The following PCDHGB5 variants were observed in gnomAD, a reference collection of about 807,000 sequenced individuals.
PCDHGB5 encodes protocadherin gamma-B5.
Under a neutral mutation model 62.9 loss-of-function variants are expected in PCDHGB5, and 48 were observed. The ratio of observed to expected loss-of-function variants is 0.76; its 90% CI spans 0.61 to 0.97. The LOEUF (loss-of-function observed/expected upper bound fraction) is 0.97. Among genes scored for constraint, PCDHGB5 ranks in the 50% least tolerant of loss-of-function variants. The probability of loss-of-function intolerance (pLI) is 0.00; values close to 1 mark genes in which losing one functional copy is unlikely to be tolerated. For missense variants in PCDHGB5, 1,118 were observed against 1,198.6 expected (o/e 0.93, Z 0.99); for synonymous variants, 474 against 511.2 (o/e 0.93, Z 0.98).
intron 1 of PCDHGB5, chr5:141,410,721 A>G (rs2154543206): frequency 1.5e-5 from 21 of 1,395,496 alleles, no homozygotes; most frequent in Non-Finnish European, 2.0e-5. Context: ...ATATGTTTAA[A>G]ATCCATAGCT....
At chr5:141,418,343 A>G in intron 1 of PCDHGB5, 1 of 1,614,010 alleles carries the variant, frequency 6.2e-7, no homozygotes, top group Non-Finnish European at 8.5e-7. Flanking sequence ...AGATCCTGAT[A>G]TTAGTATGAA....
chr5:141,414,318 G>A (rs1212643655), intron 1 of PCDHGB5: 1 of 1,613,772 alleles, frequency 6.2e-7, no homozygotes, highest in Non-Finnish European at 8.5e-7. Context: ...TAGACTCTGA[G>A]CAGAATGGAC....
At chr5:141,506,955 C>G (rs1387377785) in intron 3 of PCDHGB5, 1 of 152,244 alleles carries the variant, frequency 6.6e-6, no homozygotes, top group Non-Finnish European at 1.5e-5. Context: ...AATGAATCCT[C>G]TCAATAGCTC....
chr5:141,427,377 A>C, intron 1 of PCDHGB5: 1 of 458,500 alleles, frequency 2.2e-6, no homozygotes, highest in Non-Finnish European at 4.4e-6. Flanking sequence ...GACGGTGATC[A>C]CTCTGTTCAA....
At chr5:141,412,932 T>C (rs2095590399) in intron 1 of PCDHGB5, 3 of 453,328 alleles carry the variant, frequency 6.6e-6, no homozygotes, top group South Asian at 1.0e-4. Flanking sequence ...AGTAACTTCT[T>C]AGGACTCTGA....
In PCDHGB5 at chr5:141,398,508, T is replaced by C; in HGVS notation, c.381T>C (p.Asn127=). 6.2e-7 allele frequency: 1 copy of C among 1,601,476 alleles called. No homozygotes were observed. The highest frequency in any genetic ancestry group is 1.7e-5 in the Admixed American group (1 of 58,922). The change falls in exon 1 of 4, where the codon AAT becomes AAC. Residue 127 remains asparagine, a synonymous_variant. Coordinates refer to ENST00000617380, the MANE Select transcript of PCDHGB5 (RefSeq NM_018925.3). ...YHVNVEIEDI[N]DHTPKFTQNS... is the part of the protein sequence containing the mutation. ...TGAATGTGGAGATCGAGGACATTAA[T>C]GACCACACGCCAAAATTCACGCAAA...
Position 141,399,287 on chromosome 5 carries a change from C to A in PCDHGB5, c.1160C>A (p.Pro387His). 1 of 1,613,912 alleles carries A rather than the reference C, an allele frequency of 6.2e-7. No homozygotes were observed. The highest frequency in any genetic ancestry group is 8.5e-7 in the Non-Finnish European group (1 of 1,179,850). The stretch of plus-strand genomic sequence containing the variant: ...AATTGTCAATTACAAGGCGAAGTCC[C>A]TTTTAAGATTATCTCTTCATCCAAA... The part of the protein sequence containing the change: ...EVNCQLQGEV[P>H]FKIISSSKNS... Residue 387 changes from proline (P) to histidine (H), a missense_variant, in exon 1 of 4, where the codon CCT (proline) becomes CAT (histidine). Physicochemically the swap from Pro to His is moderately conservative, Grantham distance 77. Coordinates refer to ENST00000617380, the MANE Select transcript of PCDHGB5 (RefSeq NM_018925.3).
chr5:141,399,057 A>C lies in PCDHGB5; in HGVS notation c.930A>C (p.Glu310Asp), dbSNP rs747872462. 6.2e-7 allele frequency: 1 copy of C among 1,613,840 alleles called. No individual in the cohort carries two copies. Among genetic ancestry groups the C allele is most frequent in the Admixed American group, 1.7e-5 (1 of 60,030 alleles). ...QKKLDFEETK[E>D]YSMVVEGRDG... The stretch of plus-strand genomic sequence containing the variant: ...AACTGGATTTTGAAGAGACCAAGGA[A>C]TATTCAATGGTTGTAGAAGGGAGGG... The change falls in exon 1 of 4, where the codon GAA becomes GAC. Residue 310 changes from glutamate (E) to aspartate (D), a missense_variant. Physicochemically the swap from Glu to Asp is conservative, Grantham distance 45. Around this residue, in one of 2 missense-constraint regions of PCDHGB5, gnomAD observed 1,034 missense variants for 1,029.1 expected, o/e 1.00. Coordinates refer to ENST00000617380, the MANE Select transcript of PCDHGB5 (RefSeq NM_018925.3).
chr5:141,460,377 T>C (rs1592666836), intron 1 of PCDHGB5, among the ~76,000 whole-genome samples: 1 of 152,342 alleles, frequency 6.6e-6, no homozygotes, highest in Non-Finnish European at 1.5e-5. Flanking sequence ...AGTTTTACCA[T>C]TTATAATTTG....
At chr5:141,433,215 T>A (rs755571112) in intron 1 of PCDHGB5, 1 of 1,568,720 alleles carries the variant, frequency 6.4e-7, no homozygotes, top group South Asian at 1.2e-5. Flanking sequence ...TTTCTTTTTT[T>A]TTTTTAATTG....
chr5:141,477,747 C>A lies in PCDHGB5; in HGVS notation c.2398-17060C>A. ...ACAGCTCATATCAGCGATGGGGGCA[C>A]CCCGGTCCTAGCCACCAACATCAGC... On this transcript the variant is annotated intron_variant, in intron 1 of 3. Coordinates refer to ENST00000617380, the MANE Select transcript of PCDHGB5 (RefSeq NM_018925.3). The surrounding 1 kb of genome is among the most constrained non-coding windows in gnomAD (Gnocchi z 4.9). 1.9e-6 allele frequency: 3 copies of A among 1,613,840 alleles called. No individual in the cohort carries two copies. The highest frequency in any genetic ancestry group is 2.5e-6 in the Non-Finnish European group (3 of 1,180,044).
At chr5:141,475,103 G>A (rs771784343) in intron 1 of PCDHGB5, among the ~76,000 whole-genome samples, 1 of 152,176 alleles carries the variant, frequency 6.6e-6, no homozygotes, top group Non-Finnish European at 1.5e-5. Flanking sequence ...AAGATCCTAG[G>A]TGGTAAATAG....
chr5:141,437,782 A>C (rs1410096491), intron 1 of PCDHGB5, among the ~76,000 whole-genome samples: 1 of 151,512 alleles, frequency 6.6e-6, no homozygotes, highest in African/African-American at 2.4e-5. Context: ...TCTGTCGCCA[A>C]GCTGGAGTGC....
At chr5:141,484,644 A>G (rs1165542601) in intron 1 of PCDHGB5, among the ~76,000 whole-genome samples, 1 of 151,748 alleles carries the variant, frequency 6.6e-6, no homozygotes, top group African/African-American at 2.4e-5. Flanking sequence ...CCACTCTCCA[A>G]TGGCTACTCT....
intron 1 of PCDHGB5, among the ~76,000 whole-genome samples, chr5:141,451,606 G>C (rs2098720118): frequency 6.6e-6 from 1 of 152,152 alleles, no homozygotes; most frequent in Non-Finnish European, 1.5e-5. Flanking sequence ...ACAAGGCTAG[G>C]CATGGTGGCT....
chr5:141,469,103 C>A (rs949254605), intron 1 of PCDHGB5, among the ~76,000 whole-genome samples: 2 of 151,844 alleles, frequency 1.3e-5, no homozygotes, highest in African/African-American at 2.4e-5. Context: ...AAAGCAAGAA[C>A]CTGTCTCTAA....
intron 1 of PCDHGB5, among the ~76,000 whole-genome samples, chr5:141,479,138 T>G (rs1469363480): frequency 6.6e-6 from 1 of 152,232 alleles, no homozygotes; most frequent in Non-Finnish European, 1.5e-5. Flanking sequence ...GCACCCTGCT[T>G]ACAAAATATT....
At chr5:141,405,767 T>C (rs957910070) in intron 1 of PCDHGB5, among the ~76,000 whole-genome samples, 2 of 152,128 alleles carry the variant, frequency 1.3e-5, no homozygotes, top group African/African-American at 4.8e-5. Flanking sequence ...CGTGAGCCAC[T>C]GCGCCTGGCC....
At chr5:141,430,642 A>C in intron 1 of PCDHGB5, 2 of 918,498 alleles carry the variant, frequency 2.2e-6, no homozygotes, top group South Asian at 5.1e-5. Flanking sequence ...CCCTGGGAGT[A>C]TGTGGAAACA....
Sources: gnomAD v4.1 joint callset for allele counts (sites outside exome capture counted in the v4.1 genomes callset) on GRCh38, gnomAD v4.1.1 for gene constraint, gnomAD v4.1.1 regional missense constraint, Gnocchi (gnomAD v3.1) non-coding constraint, MANE v1.5 for transcripts, NCBI Gene and HGNC (gene_info 2026-07-23, HGNC 2026-07-21) for gene names.